ATRNL1: variants seen among roughly 807,000 people sequenced by gnomAD.
ATRNL1 encodes attractin-like protein 1.
ATRNL1 carries 95 observed loss-of-function variants against 182.7 expected under a neutral mutation model. That is an observed-to-expected ratio of 0.52 (90% CI 0.44 to 0.62). ATRNL1 has a LOEUF of 0.62. ATRNL1 is among the 20% of genes least tolerant of loss of function. The probability of loss-of-function intolerance (pLI) is 0.00; values close to 1 mark genes in which losing one functional copy is unlikely to be tolerated. For synonymous variants in ATRNL1, 576 were observed against 568.3 expected (o/e 1.01, Z -0.19); for missense variants, 1,471 against 1,679.5 (o/e 0.88, Z 2.17).
At chr10:115,670,693 A>G (rs1168548906) in intron 26 of ATRNL1, among the ~76,000 whole-genome samples, 3 of 152,122 alleles carry the variant, frequency 2.0e-5, no homozygotes, top group East Asian at 3.9e-4. Context: ...AACATTGATT[A>G]GAGACTAAGA....
At chr10:115,411,163 T>A (rs561135665) in intron 20 of ATRNL1, among the ~76,000 whole-genome samples, 1 of 151,672 alleles carries the variant, frequency 6.6e-6, no homozygotes, top group East Asian at 1.9e-4. Flanking sequence ...AGTAAAAAAA[T>A]TATGTATCTT....
At chr10:115,825,995 G>A (rs1555091865) in intron 27 of ATRNL1, among the ~76,000 whole-genome samples, 1 of 152,040 alleles carries the variant, frequency 6.6e-6, no homozygotes, top group Admixed American at 6.6e-5. Context: ...TGTAGACATG[G>A]GATTTTAGCT....
At chr10:115,740,821 AAC>A (rs1314938267) in intron 27 of ATRNL1, among the ~76,000 whole-genome samples, 1,219 of 57,304 alleles carry the variant, frequency 0.021, 11 homozygotes, top group African/African-American at 0.047. Flanking sequence ...TATCTCTTTA[AAC>A]ACACACACAC....
At chr10:115,402,215 A>G (rs1844599723) in intron 20 of ATRNL1, among the ~76,000 whole-genome samples, 2 of 152,178 alleles carry the variant, frequency 1.3e-5, no homozygotes, top group African/African-American at 4.8e-5. Flanking sequence ...TGTAAAATGG[A>G]GTTAGATTCC....
chr10:115,259,519 G>A (rs951016450), intron 10 of ATRNL1, among the ~76,000 whole-genome samples: 102 of 152,174 alleles, frequency 6.7e-4, no homozygotes, highest in Admixed American at 7.9e-4. Flanking sequence ...CAGGTAGTCT[G>A]TCACAGCTTC....
rs74992293 is a variant in ATRNL1 at position 115,861,400 on chromosome 10, C to G, written c.4018+13409C>G. On this transcript the variant is annotated intron_variant, in intron 28 of 28. Coordinates refer to ENST00000355044, the MANE Select transcript of ATRNL1 (RefSeq NM_207303.4). ...TTAATTATTTCCCCCACTTTTCTTA[C>G]CTGTGCATGTTGGTGCTAATGTCCC... Among the ~76,000 whole-genome samples, 1,463 of 152,264 alleles carry G rather than the reference C, an allele frequency of 9.6e-3. 55 individuals are homozygous for G. Among genetic ancestry groups the G allele is most frequent in the East Asian group, 0.075 (386 of 5,172 alleles).
chr10:115,686,190 C>G (rs1946213965), intron 26 of ATRNL1, among the ~76,000 whole-genome samples: 1 of 151,816 alleles, frequency 6.6e-6, no homozygotes, highest in South Asian at 2.1e-4. Flanking sequence ...CTATTTTTAT[C>G]TAAATTCTGA....
rs150483338 is a variant in ATRNL1, at chr10:115,344,268, A to T, written c.3175+9849A>T. 3.3e-5 allele frequency among the ~76,000 whole-genome samples: 5 copies of T among 152,302 alleles called. No homozygotes were observed. The East Asian group carries it at 7.7e-4, about 24-fold the overall frequency. ...GGTCCAGAGGTGCTATACAGGAGTT[A>T]GGGACTAGAGTTAAAAACCTTAGAA... On this transcript the variant is annotated intron_variant, in intron 19 of 28. Coordinates refer to ENST00000355044, the MANE Select transcript of ATRNL1 (RefSeq NM_207303.4).
chr10:115,169,756 C>T (rs1554885099), intron 7 of ATRNL1, among the ~76,000 whole-genome samples: 1 of 152,076 alleles, frequency 6.6e-6, no homozygotes, highest in African/African-American at 2.4e-5. Context: ...AATGTTAAGT[C>T]TTCAGACTCA....
In ATRNL1 at chr10:115,330,134, G is replaced by A. The variant is rs551536095; in HGVS notation, c.3038-4148G>A. Among the ~76,000 whole-genome samples the A allele has an allele frequency of 1.5e-3, 229 of 151,976 alleles. 2 individuals carry two copies. Among genetic ancestry groups the A allele is most frequent in the African/African-American group, 5.3e-3 (220 of 41,470 alleles). Reference sequence around the variant, plus strand: ...TTGAATTGATAAGTTAATTTTGGTCGGAAGAAAAGGAAAAACCCACTCTAT... The same window carrying A: ...TTGAATTGATAAGTTAATTTTGGTCAGAAGAAAAGGAAAAACCCACTCTAT... On this transcript the variant is annotated intron_variant, in intron 18 of 28. Coordinates refer to ENST00000355044, the MANE Select transcript of ATRNL1 (RefSeq NM_207303.4).
chr10:115,745,310 AG>A (rs1406150950), intron 27 of ATRNL1, among the ~76,000 whole-genome samples: 3 of 152,086 alleles, frequency 2.0e-5, no homozygotes, highest in Non-Finnish European at 2.9e-5. Context: ...ACGTATCAGT[AG>A]TTTATTCTAT....
chr10:115,797,800 G>GAGCC (rs1259804763), intron 27 of ATRNL1, among the ~76,000 whole-genome samples: 1 of 152,196 alleles, frequency 6.6e-6, no homozygotes, highest in Non-Finnish European at 1.5e-5. Flanking sequence ...AGAAGTACAG[G>GAGCC]AGCCAGCCAT....
At chr10:115,593,291 A>G (rs1400785711) in intron 26 of ATRNL1, among the ~76,000 whole-genome samples, 2 of 152,238 alleles carry the variant, frequency 1.3e-5, no homozygotes, top group South Asian at 2.1e-4. Flanking sequence ...AGCCAAAGCA[A>G]TCTTGAGCAA....
intron 24 of ATRNL1, among the ~76,000 whole-genome samples, chr10:115,482,034 G>A (rs1349642927): frequency 1.3e-5 from 2 of 150,772 alleles, no homozygotes; most frequent in Admixed American, 1.3e-4. Context: ...ATCTCAGAAG[G>A]CAGTATATTT....
chr10:115,474,352 G>A (rs1379883237), intron 24 of ATRNL1, among the ~76,000 whole-genome samples: 1 of 151,254 alleles, frequency 6.6e-6, no homozygotes, highest in African/African-American at 2.4e-5. Flanking sequence ...ATATGTGATG[G>A]GTCACTTTTA....
At chr10:115,599,358 G>T (rs1555015249) in intron 26 of ATRNL1, among the ~76,000 whole-genome samples, 1 of 152,136 alleles carries the variant, frequency 6.6e-6, no homozygotes, top group Non-Finnish European at 1.5e-5. Context: ...CATGAAAAAG[G>T]CAGCTAAATG....
At chr10:115,474,138 G>T (rs1466889156) in intron 24 of ATRNL1, among the ~76,000 whole-genome samples, 2 of 151,160 alleles carry the variant, frequency 1.3e-5, no homozygotes, top group African/African-American at 2.4e-5. Flanking sequence ...GCCATTTATT[G>T]TAAGGTAGAC....
chr10:115,386,483 G>C (rs1296638197), intron 19 of ATRNL1, among the ~76,000 whole-genome samples: 1 of 152,026 alleles, frequency 6.6e-6, no homozygotes, highest in Non-Finnish European at 1.5e-5. Flanking sequence ...TCCCCACTGA[G>C]TGCTGTAAAC....
intron 3 of ATRNL1, among the ~76,000 whole-genome samples, chr10:115,126,236 T>G (rs1844970592): frequency 6.6e-6 from 1 of 152,130 alleles, no homozygotes; most frequent in African/African-American, 2.4e-5. Flanking sequence ...TTTTTTGTAT[T>G]TTTAGTAGAA....
Sources: allele counts gnomAD v4.1 joint callset (sites outside exome capture counted in the v4.1 genomes callset), GRCh38; gene constraint gnomAD v4.1.1; transcripts MANE v1.5; gene names NCBI Gene and HGNC (gene_info 2026-07-23, HGNC 2026-07-21).